The following SAR1B variants were observed in gnomAD, a reference collection of about 807,000 sequenced individuals.
The protein encoded by SAR1B is secretion associated Ras related GTPase 1B, also known as small COPII coat GTPase SAR1B.
Under a neutral mutation model 26.8 loss-of-function variants are expected in SAR1B, and 23 were observed. That is an observed-to-expected ratio of 0.86 (90% CI 0.62 to 1.22). SAR1B has a LOEUF of 1.22. Among genes scored for constraint, SAR1B ranks in the 50% most tolerant of loss-of-function variants. The pLI, the probability that SAR1B is intolerant of heterozygous loss-of-function variation, is 0.00. For missense variants in SAR1B, 196 were observed against 232.8 expected (o/e 0.84, Z 1.03); for synonymous variants, 65 against 80.8 (o/e 0.80, Z 1.05).
rs1188454128 is a variant in SAR1B at position 134,627,808 on chromosome 5, AT to A, written c.-18-3772del. Among the ~76,000 whole-genome samples the A allele has an allele frequency of 1.3e-4, 7 of 52,942 alleles. No individual in the cohort carries two copies. In the East Asian group the frequency reaches 2.3e-3, roughly 18 times the overall value. The allele number at this position is 52,942 out of a possible 152,430, so 34.7% of individuals were successfully genotyped here. On this transcript the variant is annotated intron_variant, in intron 1 of 6. Coordinates refer to ENST00000402673, the MANE Select transcript of SAR1B (RefSeq NM_016103.4). The stretch of plus-strand genomic sequence containing the variant: ...AGCGAGACTCCATCCCAAAAAATAA[AT>A]AAATAAATAAATAAATAAATAAATA...
At chr5:134,630,917 T>A (rs1379229070) in intron 1 of SAR1B, among the ~76,000 whole-genome samples, 2 of 139,418 alleles carry the variant, frequency 1.4e-5, no homozygotes, top group Admixed American at 1.4e-4. Flanking sequence ...TTTTTTTTTT[T>A]AGCAACAATG....
chr5:134,612,628 G>A (rs1387067911), intron 4 of SAR1B, 63 bp downstream of exon 4: 8 of 1,170,378 alleles, frequency 6.8e-6, no homozygotes, highest in Non-Finnish European at 8.7e-6. Flanking sequence ...CTGGGAGACA[G>A]AGTGAGCCTG....
chr5:134,612,675 A>AAAAAAAAAAAAAAAAAAAAAG lies in SAR1B; in HGVS notation c.244+15_244+16insCTTTTTTTTTTTTTTTTTTTT, dbSNP rs1765236951. The AAAAAAAAAAAAAAAAAAAAAG allele has an allele frequency of 8.7e-7, 1 of 1,148,134 alleles. No individual in the cohort carries two copies. The highest frequency in any genetic ancestry group is 1.6e-5 in the African/African-American group (1 of 62,326). The allele number at this position is 1,148,134 out of a possible 1,614,324, so 71.1% of individuals were successfully genotyped here. A position where few individuals can be genotyped will look rare whatever the true frequency, so the allele number is the denominator to read the frequency against. ...AAAAAAAAAAAAAAAAAAAAAAAAA[A>AAAAAAAAAAAAAAAAAAAAAG]AAAAAAGAATCTTACCTTGAACATG... On this transcript the variant is annotated intron_variant, in intron 4 of 6. Coordinates refer to ENST00000402673, the MANE Select transcript of SAR1B (RefSeq NM_016103.4).
At chr5:134,615,014 T>C (rs1174442542) in intron 3 of SAR1B, 1 of 152,080 alleles carries the variant, frequency 6.6e-6, no homozygotes, top group African/African-American at 2.4e-5. Flanking sequence ...ACAACATAAG[T>C]TTTAGTGTAG....
Position 134,602,236 on chromosome 5 carries a change from A to G in SAR1B, c.*4714T>C, listed in dbSNP as rs572138804. The G allele has an allele frequency of 6.6e-6, 1 of 152,348 alleles. No individual in the cohort carries two copies. Among genetic ancestry groups the G allele is most frequent in the East Asian group, 1.9e-4 (1 of 5,188 alleles). 9.4% of individuals were successfully genotyped at this position (152,348 alleles called of 1,614,324 possible). On this transcript the variant is annotated 3_prime_UTR_variant, in exon 7 of 7. Coordinates refer to ENST00000402673, the MANE Select transcript of SAR1B (RefSeq NM_016103.4). ...CTTTGAATACTTTGGATTCTGTTTA[A>G]AAGTATGATGAAAGCCGTGAACAAC...
At chr5:134,615,145 G>T (rs552860632) in intron 3 of SAR1B, among the ~76,000 whole-genome samples, 1 of 151,928 alleles carries the variant, frequency 6.6e-6, no homozygotes, top group Non-Finnish European at 1.5e-5. Context: ...TCAGGAGATC[G>T]AGACCATCCT....
chr5:134,614,137 C>T (rs922955680), intron 3 of SAR1B: 1 of 151,782 alleles, frequency 6.6e-6, no homozygotes, highest in African/African-American at 2.4e-5. Context: ...GAGACCCTGT[C>T]TCTATTAAAA....
At chr5:134,609,389 C>T (rs1292511540) in intron 5 of SAR1B, among the ~76,000 whole-genome samples, 182 bp downstream of exon 5, 1 of 152,188 alleles carries the variant, frequency 6.6e-6, no homozygotes, top group Non-Finnish European at 1.5e-5. Flanking sequence ...GCTACAATTA[C>T]TCAGTTACTC....
chr5:134,623,876 T>C, intron 2 of SAR1B, 86 bp downstream of exon 2: 1 of 902,146 alleles, frequency 1.1e-6, no homozygotes, highest in Non-Finnish European at 1.9e-6. Context: ...TACTGGCTTA[T>C]CTATAAAGAG....
chr5:134,602,278 T>C lies in SAR1B; in HGVS notation c.*4672A>G, dbSNP rs1321284746. Reference sequence around the variant, plus strand: ...GTGAACAACAATTAGTGCCATTAAATATATTAGCTATTTAATGCTCTAAAT... The same window carrying C: ...GTGAACAACAATTAGTGCCATTAAACATATTAGCTATTTAATGCTCTAAAT... On this transcript the variant is annotated 3_prime_UTR_variant, in exon 7 of 7. Coordinates refer to ENST00000402673, the MANE Select transcript of SAR1B (RefSeq NM_016103.4). The C allele has an allele frequency of 6.6e-6, 1 of 152,214 alleles. No individual in the cohort carries two copies. The highest frequency in any genetic ancestry group is 1.9e-4 in the East Asian group (1 of 5,202). The allele number at this position is 152,214 out of a possible 1,614,324, so 9.4% of individuals were successfully genotyped here. A position where few individuals can be genotyped will look rare whatever the true frequency, so the allele number is the denominator to read the frequency against.
rs928838210 is a variant in SAR1B, at chr5:134,602,366, A to T, written c.*4584T>A. Reference sequence around the variant, plus strand: ...TTAATAGACTCTGTGGCTTCCCTTGACACTGGAGGATCTTTAAAATCCAGG... The same window carrying T: ...TTAATAGACTCTGTGGCTTCCCTTGTCACTGGAGGATCTTTAAAATCCAGG... On this transcript the variant is annotated 3_prime_UTR_variant, in exon 7 of 7. Transcript: ENST00000402673. 5 of 152,200 alleles carry T rather than the reference A, an allele frequency of 3.3e-5. No homozygotes were observed. Among genetic ancestry groups the T allele is most frequent in the African/African-American group, 1.2e-4 (5 of 41,452 alleles). 9.4% of individuals were successfully genotyped at this position (152,200 alleles called of 1,614,324 possible).
intron 3 of SAR1B, among the ~76,000 whole-genome samples, chr5:134,617,656 G>A (rs1309206664): frequency 6.6e-6 from 1 of 152,032 alleles, no homozygotes; most frequent in East Asian, 1.9e-4. Context: ...TTCCAGTTAT[G>A]CTGGTTTTTG....
chr5:134,615,847 T>G (rs769905464), intron 3 of SAR1B, among the ~76,000 whole-genome samples: 4 of 143,500 alleles, frequency 2.8e-5, no homozygotes, highest in Non-Finnish European at 6.1e-5. Flanking sequence ...AAAGAAATTC[T>G]GTATGTAGGC....
At chr5:134,628,682 T>A (rs1268751878) in intron 1 of SAR1B, among the ~76,000 whole-genome samples, 1 of 151,644 alleles carries the variant, frequency 6.6e-6, no homozygotes, top group Non-Finnish European at 1.5e-5. Context: ...TGAGACTAAG[T>A]CTCACTCTGT....
intron 3 of SAR1B, among the ~76,000 whole-genome samples, chr5:134,620,179 G>A (rs1203178636): frequency 1.3e-5 from 2 of 151,960 alleles, no homozygotes; most frequent in Admixed American, 6.6e-5. Context: ...GGTGGTGGGT[G>A]CCTGTAGTCC....
chr5:134,604,917 GA>G lies in SAR1B; in HGVS notation c.*2032del, dbSNP rs1372795496. On this transcript the variant is annotated 3_prime_UTR_variant, in exon 7 of 7. Coordinates refer to ENST00000402673, the MANE Select transcript of SAR1B (RefSeq NM_016103.4). ...AATAAGGCTTAGTTCTATTTAGTCA[GA>G]ACTTAAGGAGTACTTTAAACCTATC... 2 of 152,156 alleles carry G rather than the reference GA, an allele frequency of 1.3e-5. No homozygotes were observed. The highest frequency in any genetic ancestry group is 2.9e-5 in the Non-Finnish European group (2 of 68,020). The allele number at this position is 152,156 out of a possible 1,614,324, so 9.4% of individuals were successfully genotyped here.
intron 5 of SAR1B, 123 bp from the exon 6 acceptor site, chr5:134,608,626 G>A: frequency 1.8e-6 from 2 of 1,093,596 alleles, no homozygotes; most frequent in South Asian, 2.7e-5. Flanking sequence ...AACGTTCTTT[G>A]TCAAACTTTC....
chr5:134,624,801 T>C (rs997141914), intron 1 of SAR1B, among the ~76,000 whole-genome samples: 1 of 152,042 alleles, frequency 6.6e-6, no homozygotes, highest in Non-Finnish European at 1.5e-5. Context: ...CTAATTTTTA[T>C]ATTTTTAGTA....
Position 134,604,162 on chromosome 5 carries a change from A to G in SAR1B, c.*2788T>C, listed in dbSNP as rs1418927192. The G allele has an allele frequency of 6.6e-6, 1 of 152,250 alleles. No homozygotes were observed. Among genetic ancestry groups the G allele is most frequent in the East Asian group, 1.9e-4 (1 of 5,200 alleles). The allele number at this position is 152,250 out of a possible 1,614,324, so 9.4% of individuals were successfully genotyped here. A position where few individuals can be genotyped will look rare whatever the true frequency, so the allele number is the denominator to read the frequency against. On this transcript the variant is annotated 3_prime_UTR_variant, in exon 7 of 7. Transcript: ENST00000402673. ...AGTGTAATTAACGGCAGTCAGTGAA[A>G]CAGGTATGGGATCTCTTTAAAAGTG...
Sources: gnomAD v4.1 joint callset for allele counts (sites outside exome capture counted in the v4.1 genomes callset) on GRCh38, gnomAD v4.1.1 for gene constraint, MANE v1.5 for transcripts, NCBI Gene and HGNC (gene_info 2026-07-23, HGNC 2026-07-21) for gene names.